CHD9: variants seen among roughly 807,000 people sequenced by gnomAD.
The protein encoded by CHD9 is chromodomain helicase DNA binding protein 9, also known as ATP-dependent chromatin remodeler CHD9.
A neutral mutation model predicts 316.1 loss-of-function variants in CHD9; 77 were observed. The observed-to-expected ratio is 0.24, with a 90% CI of 0.20 to 0.29. The LOEUF (loss-of-function observed/expected upper bound fraction) is 0.29, where lower values mean the gene tolerates loss of function less well. Ranked by LOEUF, CHD9 falls within the 10% of genes least tolerant of loss-of-function variation. The probability of loss-of-function intolerance (pLI) is 1.00; values close to 1 mark genes in which losing one functional copy is unlikely to be tolerated. For synonymous variants in CHD9, 1,129 were observed against 1,158.3 expected, an observed-to-expected ratio of 0.97 and a Z score of 0.51; for missense variants, 2,763 against 3,438.1, an observed-to-expected ratio of 0.80 and a Z score of 4.91.
intron 2 of CHD9, among the ~76,000 whole-genome samples, chr16:53,189,865 C>T (rs1272794362): frequency 2.0e-5 from 3 of 152,022 alleles, no homozygotes; most frequent in Admixed American, 6.5e-5. Flanking sequence ...ACAAAATAGA[C>T]GGAAAGCTAA....
chr16:53,058,104 A>T (rs1482195952), intron 1 of CHD9, among the ~76,000 whole-genome samples: 1 of 152,088 alleles, frequency 6.6e-6, no homozygotes, highest in Non-Finnish European at 1.5e-5. Flanking sequence ...ATATATATCA[A>T]ATAAGGTGTC....
chr16:53,179,795 G>C (rs1206846019), intron 2 of CHD9, among the ~76,000 whole-genome samples: 1 of 151,716 alleles, frequency 6.6e-6, no homozygotes, highest in Admixed American at 6.6e-5. Flanking sequence ...TGCTCGGGAG[G>C]CTGAGGCAGG....
At chr16:53,058,742 G>A (rs181620938) in intron 1 of CHD9, among the ~76,000 whole-genome samples, 17 of 152,296 alleles carry the variant, frequency 1.1e-4, no homozygotes, top group Admixed American at 4.6e-4. Context: ...GCTGTTAAAT[G>A]ACTTGCCCAA....
At chr16:53,059,900 T>C (rs1262295551) in intron 1 of CHD9, among the ~76,000 whole-genome samples, 1 of 152,174 alleles carries the variant, frequency 6.6e-6, no homozygotes, top group Non-Finnish European at 1.5e-5. Context: ...AAACTGCCAC[T>C]GTAGAGTAAA....
intron 1 of CHD9, among the ~76,000 whole-genome samples, chr16:53,101,506 G>A (rs2036886612): frequency 6.6e-6 from 1 of 151,974 alleles, no homozygotes; most frequent in African/African-American, 2.4e-5. Context: ...TTTTAATCAG[G>A]ATGTAAACTT....
intron 20 of CHD9, among the ~76,000 whole-genome samples, chr16:53,263,462 G>A (rs1053058961): frequency 2.0e-5 from 3 of 151,904 alleles, no homozygotes; most frequent in African/African-American, 7.2e-5. Context: ...AATAAGAGGA[G>A]AAAAAAAGCA....
intron 2 of CHD9, among the ~76,000 whole-genome samples, chr16:53,174,410 A>G (rs548098954): frequency 6.6e-6 from 1 of 152,268 alleles, no homozygotes; most frequent in South Asian, 2.1e-4. Flanking sequence ...GTTTACATTT[A>G]TTTAGACTTG....
chr16:53,056,855 T>C (rs1567496004), intron 1 of CHD9, among the ~76,000 whole-genome samples: 1 of 152,208 alleles, frequency 6.6e-6, no homozygotes, highest in African/African-American at 2.4e-5. Flanking sequence ...TAGATTCTCA[T>C]TATTCACAAG....
chr16:53,310,558 A>G (rs1464590001), intron 34 of CHD9, among the ~76,000 whole-genome samples: 1 of 152,058 alleles, frequency 6.6e-6, no homozygotes, highest in Non-Finnish European at 1.5e-5. Flanking sequence ...AATAATATCA[A>G]TAGTAGGGGT....
Position 53,286,519 on chromosome 16 carries a change from C to T in CHD9, c.5189+176C>T, listed in dbSNP as rs374914180. On this transcript the variant is annotated intron_variant, in intron 26 of 38. Coordinates refer to ENST00000447540, the MANE Select transcript of CHD9 (RefSeq NM_001308319.2). ...TAGCACTTATCCAACAGAATGTGAT[C>T]GAGGAAGAGGTTGGACCTGCCCCAC... Among the ~76,000 whole-genome samples, 9 of 152,228 alleles carry T rather than the reference C, an allele frequency of 5.9e-5. No homozygotes were observed. In the South Asian group the frequency reaches 1.9e-3, roughly 32 times the overall value.
At chr16:53,100,783 C>G (rs2036802260) in intron 1 of CHD9, among the ~76,000 whole-genome samples, 1 of 152,158 alleles carries the variant, frequency 6.6e-6, no homozygotes, top group African/African-American at 2.4e-5. Flanking sequence ...AATCTACCTT[C>G]ACAAACACTT....
At chr16:53,191,031 A>G (rs1258518655) in intron 2 of CHD9, among the ~76,000 whole-genome samples, 1 of 152,128 alleles carries the variant, frequency 6.6e-6, no homozygotes, top group African/African-American at 2.4e-5. Flanking sequence ...TTAGGTAATC[A>G]TTACCGCAAT....
chr16:53,286,193 C>T (rs776743658), intron 25 of CHD9, 33 bp from the exon 26 acceptor site: 1 of 1,290,534 alleles, frequency 7.7e-7, no homozygotes. Context: ...TTCTTTTTAT[C>T]TTTTTTACTT....
At chr16:53,188,891 C>G (rs1003851151) in intron 2 of CHD9, among the ~76,000 whole-genome samples, 1 of 151,348 alleles carries the variant, frequency 6.6e-6, no homozygotes, top group African/African-American at 2.4e-5. Flanking sequence ...AGCATTGTAT[C>G]TTTTTTTTAG....
chr16:53,267,264 C>T (rs2051789875), intron 20 of CHD9, 30 bp from the exon 21 acceptor site: 16 of 1,461,224 alleles, frequency 1.1e-5, no homozygotes, highest in Non-Finnish European at 1.5e-5. Context: ...CATAAAAGTA[C>T]CTTCAGGTAA....
At chr16:53,231,367 T>C in intron 8 of CHD9, 52 bp from the exon 9 acceptor site, 2 of 1,054,968 alleles carry the variant, frequency 1.9e-6, no homozygotes, top group Non-Finnish European at 2.9e-6. Flanking sequence ...GTCCTTACTT[T>C]TATCATTCCA....
intron 1 of CHD9, among the ~76,000 whole-genome samples, chr16:53,071,776 C>T (rs1349515676): frequency 6.6e-6 from 1 of 152,120 alleles, no homozygotes; most frequent in Non-Finnish European, 1.5e-5. Flanking sequence ...TGGCCCACCT[C>T]GGTTTCAGTT....
chr16:53,237,607 C>T (rs1417618099), intron 11 of CHD9, among the ~76,000 whole-genome samples: 1 of 152,116 alleles, frequency 6.6e-6, no homozygotes, highest in East Asian at 1.9e-4. Context: ...ACTGTGCTCT[C>T]TGGCAAAAAT....
In CHD9 at chr16:53,314,361, T is replaced by A; in HGVS notation, c.7223-16T>A. 6.6e-7 allele frequency: 1 copy of A among 1,526,624 alleles called. No individual in the cohort carries two copies. The highest frequency in any genetic ancestry group is 8.8e-7 in the Non-Finnish European group (1 of 1,137,876). The allele number at this position is 1,526,624 out of a possible 1,614,324, so 94.6% of individuals were successfully genotyped here. ...ACTAAATTTGTATCACCATTTTGCATTTTTAATTCAATTAGGTACTTCCAT... is the reference window on the plus strand; with the variant it reads ...ACTAAATTTGTATCACCATTTTGCAATTTTAATTCAATTAGGTACTTCCAT... On this transcript the variant is annotated splice_polypyrimidine_tract_variant and intron_variant, in intron 34 of 38. Transcript: ENST00000447540.
Sources: gnomAD v4.1 joint callset for allele counts (sites outside exome capture counted in the v4.1 genomes callset) on GRCh38, gnomAD v4.1.1 for gene constraint, MANE v1.5 for transcripts, NCBI Gene and HGNC (gene_info 2026-07-23, HGNC 2026-07-21) for gene names.